NEBL: variants seen among roughly 807,000 people sequenced by gnomAD.
NEBL encodes LIM and SH3 protein 2.
NEBL carries 122 observed loss-of-function variants against 140.2 expected under a neutral mutation model. The ratio of observed to expected loss-of-function variants is 0.87; its 90% CI spans 0.75 to 1.01. The LOEUF is 1.01. Among genes scored for constraint, NEBL ranks in the 50% least tolerant of loss-of-function variants. The pLI, the probability that NEBL is intolerant of heterozygous loss-of-function variation, is 0.00. For missense variants in NEBL, 1,365 were observed against 1,231.3 expected (o/e 1.11, Z -1.62); for synonymous variants, 436 against 398.9 (o/e 1.09, Z -1.11).
chr10:21,177,798 G>A (rs1345873284), upstream of NEBL, among the ~76,000 whole-genome samples: 1 of 152,134 alleles, frequency 6.6e-6, no homozygotes, highest in African/African-American at 2.4e-5. Flanking sequence ...AAAGTGCTGG[G>A]ATTACAGGCG....
At chr10:21,112,117 T>C (rs985368208) in intron 2 of NEBL, among the ~76,000 whole-genome samples, 1 of 152,128 alleles carries the variant, frequency 6.6e-6, no homozygotes. Flanking sequence ...TGTGGAGAAA[T>C]AGGAATGCTT....
chr10:21,194,963 G>A (rs1841626497), intron 3 of NEBL, among the ~76,000 whole-genome samples: 1 of 152,144 alleles, frequency 6.6e-6, no homozygotes, highest in African/African-American at 2.4e-5. Flanking sequence ...GGCACCTGTA[G>A]TGGGGACAGA....
chr10:21,102,921 C>T (rs973143991), intron 2 of NEBL, among the ~76,000 whole-genome samples: 6 of 151,976 alleles, frequency 3.9e-5, no homozygotes, highest in Admixed American at 1.3e-4. Flanking sequence ...CTGTACCTAT[C>T]AACCCATCAC....
In NEBL at chr10:20,812,881, G is replaced by A. The variant is rs748203517; in HGVS notation, c.2406C>T (p.Asp802=). ...TKGRGFTPVV[D]DPVTERVRKN... is the part of the protein sequence containing the mutation. ...TCCTCACTCTCTCTGTCACAGGATC[G>A]TCCACGACGGGAGTAAAGCCTCTCC... is the stretch of plus-strand genomic sequence containing the variant. Residue 802 remains aspartate, a synonymous_variant, in exon 24 of 28, where the codon GAC becomes GAT. Transcript: ENST00000377122. 8.6e-5 allele frequency: 138 copies of A among 1,613,800 alleles called. No individual in the cohort carries two copies. The highest frequency in any genetic ancestry group is 8.2e-4 in the Middle Eastern group (5 of 6,084).
chr10:20,896,519 C>CATATATATATATATATATATAT (rs1588970491), intron 2 of NEBL, among the ~76,000 whole-genome samples: 4 of 49,006 alleles, frequency 8.2e-5, no homozygotes, highest in Non-Finnish European at 9.5e-5. Context: ...TATATATATG[C>CATATATATATATATATATATAT]ATTTTCCTGT....
At chr10:21,106,692 C>A (rs1202395032) in intron 2 of NEBL, among the ~76,000 whole-genome samples, 2 of 152,054 alleles carry the variant, frequency 1.3e-5, no homozygotes, top group Non-Finnish European at 2.9e-5. Context: ...TCCATATGAA[C>A]TTTAAAGTAG....
At chr10:21,096,488 A>AGTGTGTGT (rs10541564) in intron 2 of NEBL, among the ~76,000 whole-genome samples, 3,058 of 141,526 alleles carry the variant, frequency 0.022, 82 homozygotes, top group African/African-American at 0.062. Flanking sequence ...CTTGGTTTTG[A>AGTGTGTGT]GTGTGTGTGT....
At chr10:21,159,438 C>G (rs2768664) in intron 2 of NEBL, among the ~76,000 whole-genome samples, 43,816 of 151,990 alleles carry the variant, frequency 0.29, 7,381 homozygotes, top group East Asian at 0.53. Flanking sequence ...TTTTGCTCTC[C>G]TGAACTTCAA....
chr10:20,986,265 C>T (rs1286026574), intron 3 of NEBL, among the ~76,000 whole-genome samples: 2 of 152,198 alleles, frequency 1.3e-5, no homozygotes, highest in Admixed American at 1.3e-4. Flanking sequence ...GTTGGTTCCG[C>T]TGTTGCAATA....
upstream of NEBL, among the ~76,000 whole-genome samples, chr10:20,898,209 T>A (rs1847661414): frequency 6.6e-6 from 1 of 152,108 alleles, no homozygotes; most frequent in Non-Finnish European, 1.5e-5. Flanking sequence ...TTAATGTCAA[T>A]TCAGGCAATT....
chr10:20,990,017 G>A (rs1159169436), intron 3 of NEBL, among the ~76,000 whole-genome samples: 1 of 152,114 alleles, frequency 6.6e-6, no homozygotes, highest in East Asian at 1.9e-4. Context: ...AGTTGTTACA[G>A]ATATCTTGAA....
intron 24 of NEBL, 68 bp from the exon 25 acceptor site, chr10:20,809,966 A>G: frequency 8.9e-7 from 1 of 1,129,668 alleles, no homozygotes; most frequent in Non-Finnish European, 1.3e-6. Flanking sequence ...AAAAAAAAAA[A>G]GCCAGTACCC....
At chr10:20,839,528 C>T (rs541927062) in intron 13 of NEBL, among the ~76,000 whole-genome samples, 2 of 152,210 alleles carry the variant, frequency 1.3e-5, no homozygotes, top group African/African-American at 4.8e-5. Context: ...TTTCCATCAC[C>T]TCCCTAGTCC....
intron 3 of NEBL, among the ~76,000 whole-genome samples, chr10:21,198,635 T>C (rs1841688012): frequency 6.6e-6 from 1 of 152,182 alleles, no homozygotes; most frequent in Middle Eastern, 3.2e-3. Context: ...AGAAGTCCCT[T>C]TGTGTCTGTC....
chr10:20,929,765 G>C (rs7083342), intron 4 of NEBL, among the ~76,000 whole-genome samples: 1 of 147,956 alleles, frequency 6.8e-6, no homozygotes, highest in East Asian at 2.1e-4. Flanking sequence ...AGGGTGGGAG[G>C]GGATGACAGA....
chr10:20,941,866 G>C (rs372805426), intron 4 of NEBL, among the ~76,000 whole-genome samples: 9,847 of 151,736 alleles, frequency 0.065, 546 homozygotes, highest in African/African-American at 0.15. Context: ...AAATACCTAG[G>C]AATCCAACTT....
intron 2 of NEBL, among the ~76,000 whole-genome samples, chr10:21,129,191 G>C (rs1838981771): frequency 6.6e-6 from 1 of 152,056 alleles, no homozygotes; most frequent in African/African-American, 2.4e-5. Context: ...TGAAGGTCAG[G>C]AACTTGGATC....
intron 7 of NEBL, among the ~76,000 whole-genome samples, chr10:20,863,627 C>A (rs558679969): frequency 6.6e-6 from 1 of 152,076 alleles, no homozygotes; most frequent in Admixed American, 6.6e-5. Context: ...GACTTTGCAC[C>A]AAATGTTAAT....
rs142767702 is a variant in NEBL, at chr10:21,170,433, C to T, written c.164+1950G>A. 413 of 152,326 alleles carry T rather than the reference C, an allele frequency of 2.7e-3. 3 individuals are homozygous for T. Among genetic ancestry groups the T allele is most frequent in the African/African-American group, 9.6e-3 (400 of 41,564 alleles). 9.4% of individuals were successfully genotyped at this position (152,326 alleles called of 1,614,324 possible). A position where few individuals can be genotyped will look rare whatever the true frequency, so the allele number is the denominator to read the frequency against. ...GGAAGAATGGTTCACTTTCCTTTAACCAAAGAACAATTATCCCGTTTATGG... is the reference window on the plus strand; with the variant it reads ...GGAAGAATGGTTCACTTTCCTTTAATCAAAGAACAATTATCCCGTTTATGG... On this transcript the variant is annotated intron_variant, in intron 2 of 6. Coordinates refer to the NEBL transcript ENST00000417816.
Sources: allele counts gnomAD v4.1 joint callset (sites outside exome capture counted in the v4.1 genomes callset), GRCh38; gene constraint gnomAD v4.1.1; transcripts MANE v1.5; gene names NCBI Gene and HGNC (gene_info 2026-07-23, HGNC 2026-07-21).